PDGFC: variants seen among roughly 807,000 people sequenced by gnomAD.
PDGFC encodes the protein platelet derived growth factor C.
In PDGFC, 12 loss-of-function variants were observed where a neutral mutation model predicts 35.5. The observed-to-expected ratio is 0.34, with a 90% CI of 0.22 to 0.55. The LOEUF (loss-of-function observed/expected upper bound fraction) is 0.55, where lower values mean the gene tolerates loss of function less well. PDGFC is among the 20% of genes least tolerant of loss of function. The pLI is 0.91. For missense variants in PDGFC, 322 were observed against 412.4 expected (o/e 0.78, Z 1.90); for synonymous variants, 159 against 148.8 (o/e 1.07, Z -0.50).
chr4:156,928,102 T>C (rs1035146035), intron 1 of PDGFC, among the ~76,000 whole-genome samples: 2 of 152,106 alleles, frequency 1.3e-5, no homozygotes, highest in Non-Finnish European at 2.9e-5. Context: ...GAGAACAGTA[T>C]GGGGGAAACC....
intron 1 of PDGFC, among the ~76,000 whole-genome samples, chr4:156,911,962 C>T (rs1731049905): frequency 6.6e-6 from 1 of 151,992 alleles, no homozygotes; most frequent in Admixed American, 6.6e-5. Flanking sequence ...AATTTTTTGG[C>T]AGAAGTTAAG....
chr4:156,788,070 C>T (rs1731178449), intron 3 of PDGFC, among the ~76,000 whole-genome samples: 2 of 152,096 alleles, frequency 1.3e-5, no homozygotes, highest in Non-Finnish European at 1.5e-5. Context: ...TCATGGACAA[C>T]ATTCATGGTG....
intron 3 of PDGFC, among the ~76,000 whole-genome samples, chr4:156,801,566 G>A (rs140861409): frequency 1.3e-5 from 2 of 152,254 alleles, no homozygotes; most frequent in East Asian, 3.9e-4. Context: ...GAAATGGAGA[G>A]TTCTTCCTTG....
At chr4:156,766,477 T>C (rs1261076854) in intron 5 of PDGFC, among the ~76,000 whole-genome samples, 3 of 152,040 alleles carry the variant, frequency 2.0e-5, no homozygotes, top group African/African-American at 7.2e-5. Context: ...CATCTCCTCC[T>C]CCAGCAGCAT....
intron 2 of PDGFC, among the ~76,000 whole-genome samples, chr4:156,836,241 G>A (rs940509209): frequency 6.6e-6 from 1 of 152,116 alleles, no homozygotes; most frequent in African/African-American, 2.4e-5. Flanking sequence ...AAGCCAGGGG[G>A]TGGGTGATAT....
intron 3 of PDGFC, among the ~76,000 whole-genome samples, chr4:156,799,663 T>C (rs1731545921): frequency 6.6e-6 from 1 of 152,166 alleles, no homozygotes; most frequent in Non-Finnish European, 1.5e-5. Flanking sequence ...TTCTGAAAAA[T>C]TTGGCACTGA....
At chr4:156,874,887 T>G (rs1352274969) in intron 1 of PDGFC, among the ~76,000 whole-genome samples, 3 of 151,888 alleles carry the variant, frequency 2.0e-5, no homozygotes, top group Admixed American at 1.3e-4. Flanking sequence ...CAGCTAATTT[T>G]TGTATTTTTT....
chr4:156,801,370 A>G (rs557961676), intron 3 of PDGFC, among the ~76,000 whole-genome samples: 3 of 152,268 alleles, frequency 2.0e-5, no homozygotes, highest in South Asian at 4.2e-4. Flanking sequence ...ATTAAACTCT[A>G]TCTCCATTGC....
At chr4:156,929,889 A>G (rs1468242227) in intron 1 of PDGFC, among the ~76,000 whole-genome samples, 3 of 152,254 alleles carry the variant, frequency 2.0e-5, no homozygotes, top group Non-Finnish European at 4.4e-5. Flanking sequence ...TAGTGTCCTG[A>G]GAAGTGTGCA....
At chr4:156,891,894 TTAA>T (rs1280542484) in intron 1 of PDGFC, among the ~76,000 whole-genome samples, 2 of 152,182 alleles carry the variant, frequency 1.3e-5, no homozygotes, top group African/African-American at 4.8e-5. Flanking sequence ...TCAATGTACA[TTAA>T]AGAGTTTTAT....
intron 3 of PDGFC, chr4:156,778,998 A>C (rs1162850531): frequency 5.9e-6 from 2 of 339,186 alleles, no homozygotes; most frequent in African/African-American, 2.2e-5. Context: ...GAAGACAATA[A>C]ATGTCCAGCC....
chr4:156,962,021 C>G (rs957825443), intron 1 of PDGFC, among the ~76,000 whole-genome samples: 2 of 152,080 alleles, frequency 1.3e-5, no homozygotes, highest in African/African-American at 4.8e-5. Context: ...CACACCAAAG[C>G]AGAAATCTGT....
At chr4:156,950,458 T>C (rs1732053003) in intron 1 of PDGFC, among the ~76,000 whole-genome samples, 1 of 151,904 alleles carries the variant, frequency 6.6e-6, no homozygotes, top group South Asian at 2.1e-4. Context: ...TAGTCACTCC[T>C]CCACAATTTA....
chr4:156,833,110 C>G (rs916034105), intron 2 of PDGFC, among the ~76,000 whole-genome samples: 3 of 152,202 alleles, frequency 2.0e-5, no homozygotes, highest in Non-Finnish European at 4.4e-5. Flanking sequence ...GGCAGTGGGC[C>G]TGCTGATGGC....
At chr4:156,949,777 A>G (rs1732036912) in intron 1 of PDGFC, among the ~76,000 whole-genome samples, 1 of 151,934 alleles carries the variant, frequency 6.6e-6, no homozygotes. Context: ...CAAAGACTGC[A>G]CAAATGAGAA....
chr4:156,863,947 TTTAA>T (rs1560846752), intron 1 of PDGFC, among the ~76,000 whole-genome samples: 2 of 152,290 alleles, frequency 1.3e-5, no homozygotes, highest in Non-Finnish European at 1.5e-5. Flanking sequence ...CTGCGCATAA[TTTAA>T]TTAATAAAAT....
At chr4:156,911,820 A>C (rs1015594769) in intron 1 of PDGFC, among the ~76,000 whole-genome samples, 1 of 152,158 alleles carries the variant, frequency 6.6e-6, no homozygotes, top group African/African-American at 2.4e-5. Flanking sequence ...ATTAAAAATA[A>C]GTCTACGTAA....
intron 2 of PDGFC, among the ~76,000 whole-genome samples, chr4:156,820,536 T>C (rs1377874875): frequency 6.6e-6 from 1 of 152,214 alleles, no homozygotes; most frequent in African/African-American, 2.4e-5. Flanking sequence ...AACTTCAGTT[T>C]TATAAGTACT....
At chr4:156,802,744 A>T (rs2110919950) in intron 3 of PDGFC, among the ~76,000 whole-genome samples, 1 of 152,296 alleles carries the variant, frequency 6.6e-6, no homozygotes, top group South Asian at 2.1e-4. Context: ...AAACTGACTA[A>T]GCCAGCACGC....
Sources: allele counts gnomAD v4.1 joint callset (sites outside exome capture counted in the v4.1 genomes callset), GRCh38; gene constraint gnomAD v4.1.1; transcripts MANE v1.5; gene names NCBI Gene and HGNC (gene_info 2026-07-23, HGNC 2026-07-21).